Variants in KCNE1 observed in about 807,000 individuals in gnomAD.
The protein encoded by KCNE1 is potassium voltage-gated channel subfamily E member 1.
Under a neutral mutation model 2.9 loss-of-function variants are expected in KCNE1, and 1 was observed. The observed-to-expected ratio is 0.34, with a 90% CI of 0.12 to 1.62. The LOEUF (loss-of-function observed/expected upper bound fraction) is 1.62. Among genes scored for constraint, KCNE1 ranks in the 40% most tolerant of loss-of-function variants. KCNE1 has a pLI of 0.36. For synonymous variants in KCNE1, 23 were observed against 65.4 expected, an observed-to-expected ratio of 0.35 and a Z score of 3.13; for missense variants, 45 against 150.5, an observed-to-expected ratio of 0.30 and a Z score of 3.67.
chr21:34,499,707 C>T (rs1010680605), intron 2 of KCNE1, among the ~76,000 whole-genome samples: 1 of 152,176 alleles, frequency 6.6e-6, no homozygotes, highest in African/African-American at 2.4e-5. Context: ...TTCAGGTTCC[C>T]CATTGGGGAT....
chr21:34,499,890 C>T (rs1983061868), intron 2 of KCNE1, among the ~76,000 whole-genome samples: 1 of 152,190 alleles, frequency 6.6e-6, no homozygotes, highest in African/African-American at 2.4e-5. Context: ...TGCTTTGTGT[C>T]TCCACATACT....
chr21:34,504,181 T>C (rs1419662858), intron 2 of KCNE1, among the ~76,000 whole-genome samples: 1 of 152,104 alleles, frequency 6.6e-6, no homozygotes, highest in Admixed American at 6.5e-5. Flanking sequence ...GGAGAACACT[T>C]TGGACTCGGG....
At chr21:34,501,023 T>C (rs1286520445) in intron 2 of KCNE1, among the ~76,000 whole-genome samples, 1 of 152,178 alleles carries the variant, frequency 6.6e-6, no homozygotes, top group Non-Finnish European at 1.5e-5. Context: ...CTCAGCCACT[T>C]TTGTCCCAAA....
At chr21:34,506,593 C>T (rs557777798) in intron 2 of KCNE1, among the ~76,000 whole-genome samples, 2 of 152,282 alleles carry the variant, frequency 1.3e-5, no homozygotes, top group South Asian at 2.1e-4. Flanking sequence ...AGATCTGCAG[C>T]TACAAAGAGT....
rs572686256 is a variant in KCNE1, at chr21:34,497,995, T to C, written c.-162+13106A>G. Among the ~76,000 whole-genome samples, 76 of 152,296 alleles carry C rather than the reference T, an allele frequency of 5.0e-4. 1 individual carries two copies. Among genetic ancestry groups the C allele is most frequent in the Non-Finnish European group, 8.7e-4 (59 of 68,030 alleles). ...CTATTGTTGACACTTTCCAGTGCAT[T>C]TTATCTTTCTCTAAGTGTGTCTTCC... On this transcript the variant is annotated intron_variant, in intron 2 of 3. Coordinates refer to ENST00000399286, the MANE Select transcript of KCNE1 (RefSeq NM_000219.6).
intron 2 of KCNE1, among the ~76,000 whole-genome samples, chr21:34,501,701 CA>C (rs1016183218): frequency 9.2e-5 from 14 of 152,188 alleles, no homozygotes; most frequent in Admixed American, 9.2e-4. Context: ...GGTTGATAGA[CA>C]AAACAAAGCT....
intron 2 of KCNE1, among the ~76,000 whole-genome samples, chr21:34,501,403 T>C (rs773627538): frequency 6.6e-6 from 1 of 152,150 alleles, no homozygotes; most frequent in Non-Finnish European, 1.5e-5. Flanking sequence ...ATGGCTCCAT[T>C]GAGAATGGAG....
At chr21:34,508,996 C>T (rs1036580611) in intron 2 of KCNE1, among the ~76,000 whole-genome samples, 3 of 152,216 alleles carry the variant, frequency 2.0e-5, no homozygotes, top group African/African-American at 7.2e-5. Context: ...TATTTTCTCA[C>T]ACTACTTTGT....
chr21:34,449,541 G>A lies in KCNE1; in HGVS notation c.94C>T (p.Arg32Cys), dbSNP rs200963514. The change falls in exon 4 of 4, where the codon CGC (arginine) becomes TGC (cysteine). Residue 32 changes from arginine to cysteine, a missense_variant. Coordinates refer to ENST00000399286, the MANE Select transcript of KCNE1 (RefSeq NM_000219.6). ...CCGTCACTGCTGCGGGGGGACCTGC[G>A]GGCCAGGCCCGACATGTTGCCACCC... ...QQGGNMSGLA[R>C]RSPRSSDGKL... The A allele has an allele frequency of 1.5e-5, 14 of 939,432 alleles. 4 individuals are homozygous for A. Among genetic ancestry groups the A allele is most frequent in the African/African-American group, 5.6e-5 (2 of 35,806 alleles). 58.2% of individuals were successfully genotyped at this position (939,432 alleles called of 1,614,324 possible). A position where few individuals can be genotyped will look rare whatever the true frequency, so the allele number is the denominator to read the frequency against.
At chr21:34,496,432 G>A (rs115951137) in intron 2 of KCNE1, among the ~76,000 whole-genome samples, 162 of 152,300 alleles carry the variant, frequency 1.1e-3, no homozygotes, top group African/African-American at 3.8e-3. Flanking sequence ...AGGTCATTCA[G>A]GAGCAGATTA....
At chr21:34,509,973 T>C (rs1983742509) in intron 2 of KCNE1, 1 of 152,152 alleles carries the variant, frequency 6.6e-6, no homozygotes, top group Non-Finnish European at 1.5e-5. Context: ...AAACTCAAAG[T>C]CAAACGAGTC....
At chr21:34,502,802 A>C (rs539361464) in intron 2 of KCNE1, among the ~76,000 whole-genome samples, 1 of 152,334 alleles carries the variant, frequency 6.6e-6, no homozygotes, top group South Asian at 2.1e-4. Context: ...ATGACACATG[A>C]TCAGAGGTCA....
rs76165549 is a variant in KCNE1, at chr21:34,449,744, C to T, written c.-50-60G>A. On this transcript the variant is annotated intron_variant, in intron 3 of 3. Transcript: ENST00000399286. ...ACGTATTGGCCAAAACCCACACGTA[C>T]GCACACACACGTATACAATTTTAAA... is the stretch of plus-strand genomic sequence containing the variant. 4.6e-3 allele frequency: 2,241 copies of T among 486,144 alleles called. 264 individuals are homozygous for T. The highest frequency in any genetic ancestry group is 5.5e-3 in the Admixed American group (153 of 27,584). The allele number at this position is 486,144 out of a possible 1,614,324, so 30.1% of individuals were successfully genotyped here. A position where few individuals can be genotyped will look rare whatever the true frequency, so the allele number is the denominator to read the frequency against.
At chr21:34,495,550 CT>C (rs1420931930) in intron 2 of KCNE1, among the ~76,000 whole-genome samples, 1 of 107,776 alleles carries the variant, frequency 9.3e-6, no homozygotes. Context: ...TTGTTTTTAT[CT>C]TGCTACTTGT....
In KCNE1 at chr21:34,450,389, A is replaced by G. The variant is rs150559473; in HGVS notation, c.-50-705T>C. Reference sequence around the variant, plus strand: ...TTACATTCATCTGAATGAAAAATCTATGCTGTCACGTGGTGGACTTCAGAA... The same window carrying G: ...TTACATTCATCTGAATGAAAAATCTGTGCTGTCACGTGGTGGACTTCAGAA... On this transcript the variant is annotated intron_variant, in intron 3 of 3. Transcript: ENST00000399286. Among the ~76,000 whole-genome samples, 6 of 72,936 alleles carry G rather than the reference A, an allele frequency of 8.2e-5. No homozygotes were observed. In the East Asian group the frequency reaches 2.8e-3, roughly 34 times the overall value. 47.8% of individuals were successfully genotyped at this position (72,936 alleles called of 152,430 possible).
chr21:34,507,356 C>G (rs80224721), intron 2 of KCNE1, among the ~76,000 whole-genome samples: 1 of 152,116 alleles, frequency 6.6e-6, no homozygotes, highest in Non-Finnish European at 1.5e-5. Flanking sequence ...GACAGGCGTG[C>G]TCATCATTGA....
chr21:34,507,145 C>T (rs1010051847), intron 2 of KCNE1, among the ~76,000 whole-genome samples: 7 of 151,724 alleles, frequency 4.6e-5, no homozygotes, highest in Non-Finnish European at 7.4e-5. Context: ...CTGACAGTAG[C>T]GTAGAGAAGG....
chr21:34,450,026 G>A (rs141712911), intron 3 of KCNE1, among the ~76,000 whole-genome samples: 78 of 92,268 alleles, frequency 8.5e-4, no homozygotes, highest in African/African-American at 2.9e-3. Flanking sequence ...AACTCATTCA[G>A]TCTCCTTCTT....
chr21:34,504,215 G>C (rs1983338813), intron 2 of KCNE1, among the ~76,000 whole-genome samples: 1 of 151,860 alleles, frequency 6.6e-6, no homozygotes, highest in Admixed American at 6.6e-5. Flanking sequence ...GATTCCAGAG[G>C]GTAGAGGTTG....
Sources: allele counts gnomAD v4.1 joint callset (sites outside exome capture counted in the v4.1 genomes callset), GRCh38; gene constraint gnomAD v4.1.1; transcripts MANE v1.5; gene names NCBI Gene and HGNC (gene_info 2026-07-23, HGNC 2026-07-21).